The following ODAD2 variants were observed in gnomAD, a reference collection of about 807,000 sequenced individuals.
ODAD2 encodes outer dynein arm-docking complex subunit 2.
A neutral mutation model predicts 106.8 loss-of-function variants in ODAD2; 89 were observed. The ratio of observed to expected loss-of-function variants is 0.83; its 90% confidence interval spans 0.70 to 0.99. The LOEUF is 0.99. Ranked by LOEUF, ODAD2 falls within the 50% of genes least tolerant of loss-of-function variation. The pLI is 0.00. For synonymous variants in ODAD2, 404 were observed against 436.2 expected (o/e 0.93, Z 0.92); for missense variants, 1,168 against 1,238.5 (o/e 0.94, Z 0.85).
chr10:27,825,837 T>C (rs1315492230), intron 19 of ODAD2, among the ~76,000 whole-genome samples: 1 of 152,190 alleles, frequency 6.6e-6, no homozygotes, highest in African/African-American at 2.4e-5. Flanking sequence ...TCCTACACAA[T>C]AAGTGGAACA....
intron 8 of ODAD2, among the ~76,000 whole-genome samples, chr10:27,969,303 T>A (rs1848674673): frequency 6.6e-6 from 1 of 151,720 alleles, no homozygotes. Flanking sequence ...CCTTCTACTC[T>A]AGGTATGTAT....
At chr10:27,925,469 C>T (rs1269453453) in intron 16 of ODAD2, among the ~76,000 whole-genome samples, 2 of 152,154 alleles carry the variant, frequency 1.3e-5, no homozygotes, top group Non-Finnish European at 2.9e-5. Flanking sequence ...ATAATCCTCC[C>T]ACCTCAACCT....
chr10:27,924,012 A>AAGAG lies in ODAD2; in HGVS notation c.2495+10997_2495+10998insCTCT, dbSNP rs773771083. Among the ~76,000 whole-genome samples, 71 of 113,282 alleles carry AAGAG rather than the reference A, an allele frequency of 6.3e-4. 6 individuals are homozygous for AAGAG. In the East Asian group the frequency reaches 0.016, roughly 26 times the overall value. The allele number at this position is 113,282 out of a possible 152,430, so 74.3% of individuals were successfully genotyped here. On this transcript the variant is annotated intron_variant, in intron 16 of 19. Transcript: ENST00000305242. ...AAAGAAAGAAAGAAAGAAAGAAAGAAAGAAAGAAAGAAGGAAAGAGAAAGA... is the reference window on the plus strand; with the variant it reads ...AAAGAAAGAAAGAAAGAAAGAAAGAAAGAGAGAAAGAAAGAAGGAAAGAGAAAGA...
At chr10:27,954,005 A>T (rs1446113852) in intron 10 of ODAD2, among the ~76,000 whole-genome samples, 1 of 152,204 alleles carries the variant, frequency 6.6e-6, no homozygotes, top group Non-Finnish European at 1.5e-5. Context: ...AAAAAGGGAC[A>T]TGGAGTTTAA....
At chr10:27,955,972 A>G (rs1203782276) in intron 10 of ODAD2, among the ~76,000 whole-genome samples, 1 of 151,994 alleles carries the variant, frequency 6.6e-6, no homozygotes, top group African/African-American at 2.4e-5. Context: ...GACCACTACT[A>G]AGCTGGGATC....
intron 19 of ODAD2, among the ~76,000 whole-genome samples, chr10:27,842,040 A>G (rs1838344408): frequency 6.6e-6 from 1 of 152,044 alleles, no homozygotes; most frequent in South Asian, 2.1e-4. Flanking sequence ...CTGGCTGCAA[A>G]TTCTTCTCCT....
chr10:27,824,125 C>A (rs983875655), intron 19 of ODAD2, among the ~76,000 whole-genome samples: 1 of 86,432 alleles, frequency 1.2e-5, no homozygotes, highest in Non-Finnish European at 1.8e-5. Flanking sequence ...TGGGCGACAG[C>A]GAGACTCCGT....
At chr10:27,873,127 T>C (rs917489040) in intron 17 of ODAD2, among the ~76,000 whole-genome samples, 8 of 151,152 alleles carry the variant, frequency 5.3e-5, no homozygotes, top group Non-Finnish European at 2.9e-5. Flanking sequence ...TTCTAGATTT[T>C]CTAGTTTATT....
rs984036009 is a variant in ODAD2, at chr10:27,828,109, AG to A, written c.3022-15485del. On this transcript the variant is annotated intron_variant, in intron 19 of 19. Transcript: ENST00000305242. ...CCTCGGGGAGGTTAAATTCCATGAA[AG>A]ATGAAAACAGTCCCTTGGATTCTGA... is the stretch of plus-strand genomic sequence containing the variant. Among the ~76,000 whole-genome samples, 52 of 152,220 alleles carry A rather than the reference AG, an allele frequency of 3.4e-4. 2 individuals carry two copies. Among genetic ancestry groups the A allele is most frequent in the Non-Finnish European group, 1.6e-4 (11 of 68,038 alleles).
intron 19 of ODAD2, among the ~76,000 whole-genome samples, chr10:27,844,510 C>A (rs1219919348): frequency 6.6e-6 from 1 of 152,164 alleles, no homozygotes; most frequent in Non-Finnish European, 1.5e-5. Flanking sequence ...TGAGCAATAC[C>A]TTCCAATGGT....
At chr10:27,839,622 G>A (rs1175697834) in intron 19 of ODAD2, among the ~76,000 whole-genome samples, 1 of 152,160 alleles carries the variant, frequency 6.6e-6, no homozygotes, top group Non-Finnish European at 1.5e-5. Flanking sequence ...CTAATTTAAA[G>A]CAGTGGAAGA....
intron 2 of ODAD2, among the ~76,000 whole-genome samples, chr10:27,992,480 A>C (rs1465947816): frequency 6.6e-6 from 1 of 152,156 alleles, no homozygotes; most frequent in Non-Finnish European, 1.5e-5. Context: ...CTTGAGGCCA[A>C]AAGTACAAGA....
At chr10:27,817,293 T>G (rs1836213149) in intron 19 of ODAD2, among the ~76,000 whole-genome samples, 1 of 152,174 alleles carries the variant, frequency 6.6e-6, no homozygotes, top group African/African-American at 2.4e-5. Context: ...GTTCAGAATT[T>G]TTATTGATCT....
rs762109038 is a variant in ODAD2, at chr10:27,944,884, C to T, written c.1465G>A (p.Ala489Thr). ...FSLAQETCQL[A>T]IRDVGGLEVL... ...TCCAGGCCTCCAACATCTCTGATGG[C>T]CAACTGGCAGGTTTCTTGAGCTAAG... is the stretch of plus-strand genomic sequence containing the variant. Residue 489 changes from alanine to threonine, a missense_variant, in exon 11 of 20, where the codon GCC becomes ACC. This residue lies in a region of ODAD2 where 701 missense variants were observed against 712.3 expected (regional missense o/e 0.98). Coordinates refer to ENST00000305242, the MANE Select transcript of ODAD2 (RefSeq NM_018076.5). 2 of 1,614,144 alleles carry T rather than the reference C, an allele frequency of 1.2e-6. No homozygotes were observed. The highest frequency in any genetic ancestry group is 4.5e-5 in the East Asian group (2 of 44,866).
At chr10:27,842,713 T>C (rs934403767) in intron 19 of ODAD2, among the ~76,000 whole-genome samples, 1 of 152,128 alleles carries the variant, frequency 6.6e-6, no homozygotes, top group Non-Finnish European at 1.5e-5. Context: ...AAAGAAAAAG[T>C]CAAGTCAGAT....
intron 19 of ODAD2, among the ~76,000 whole-genome samples, chr10:27,827,851 C>T (rs1837192179): frequency 6.6e-6 from 1 of 152,200 alleles, no homozygotes. Flanking sequence ...GGGTCTTCGG[C>T]AGGCTCCAGT....
At chr10:27,970,101 AAAATAAATAAATAAAT>A (rs57804974) in intron 8 of ODAD2, among the ~76,000 whole-genome samples, 4,509 of 133,396 alleles carry the variant, frequency 0.034, 186 homozygotes, top group African/African-American at 0.1. Flanking sequence ...TCTGTCTCAA[AAAATAAATAAATAAAT>A]AAATAAATAA....
intron 14 of ODAD2, among the ~76,000 whole-genome samples, chr10:27,939,176 T>G (rs955079608): frequency 1.3e-5 from 2 of 152,124 alleles, no homozygotes; most frequent in African/African-American, 2.4e-5. Context: ...TGGCTAGTCT[T>G]GGTAGGAGAT....
chr10:27,913,064 A>G (rs1844118454), intron 16 of ODAD2, among the ~76,000 whole-genome samples: 1 of 152,198 alleles, frequency 6.6e-6, no homozygotes, highest in Admixed American at 6.6e-5. Flanking sequence ...GGTATAAACA[A>G]TATGATTAGA....
Sources: gnomAD v4.1 joint callset for allele counts (sites outside exome capture counted in the v4.1 genomes callset) on GRCh38, gnomAD v4.1.1 for gene constraint, gnomAD v4.1.1 regional missense constraint, MANE v1.5 for transcripts, NCBI Gene and HGNC (gene_info 2026-07-23, HGNC 2026-07-21) for gene names.